HLCS: variants seen among roughly 807,000 people sequenced by gnomAD.
The protein encoded by HLCS is biotin--protein ligase.
A neutral mutation model predicts 75.0 loss-of-function variants in HLCS; 53 were observed. The observed-to-expected ratio is 0.71, with a 90% CI of 0.57 to 0.89. The LOEUF (loss-of-function observed/expected upper bound fraction) is 0.89, where lower values mean the gene tolerates loss of function less well. Ranked by LOEUF, HLCS falls within the 40% of genes least tolerant of loss-of-function variation. The pLI, the probability that HLCS is intolerant of heterozygous loss-of-function variation, is 0.00. For synonymous variants in HLCS, 431 were observed against 428.6 expected (o/e 1.01, Z -0.07); for missense variants, 966 against 1,074.0 (o/e 0.90, Z 1.41).
rs115034487 is a variant in HLCS at position 36,879,672 on chromosome 21, C to G, written c.1892+17188G>C. Among the ~76,000 whole-genome samples, 43 of 152,194 alleles carry G rather than the reference C, an allele frequency of 2.8e-4. 1 individual carries two copies. The highest frequency in any genetic ancestry group is 1.0e-3 in the African/African-American group (42 of 41,532). On this transcript the variant is annotated intron_variant, in intron 6 of 10. Transcript: ENST00000674895. ...ACAGACCAAGCACAGTGGCTCACAC[C>G]TATAGTCCCAGAACTTTGGGAGGCC...
chr21:36,767,476 G>A (rs963868734), intron 6 of HLCS, among the ~76,000 whole-genome samples, 191 bp from the exon 7 acceptor site: 4 of 152,118 alleles, frequency 2.6e-5, no homozygotes, highest in Non-Finnish European at 5.9e-5. Flanking sequence ...CCTGGGTCGT[G>A]AGAATGAAAG....
At chr21:36,823,179 C>A (rs1246471630) in intron 6 of HLCS, among the ~76,000 whole-genome samples, 2 of 152,148 alleles carry the variant, frequency 1.3e-5, no homozygotes, top group African/African-American at 4.8e-5. Context: ...AAGCTGAACC[C>A]AATCAAAAGT....
intron 6 of HLCS, among the ~76,000 whole-genome samples, chr21:36,824,771 A>G (rs1218471931): frequency 6.6e-6 from 1 of 152,208 alleles, no homozygotes; most frequent in Non-Finnish European, 1.5e-5. Context: ...TAACAAAATG[A>G]AGAACACGCC....
chr21:36,936,538 G>A lies in HLCS; in HGVS notation c.1348C>T (p.Leu450Phe). The change falls in exon 4 of 11, where the codon CTC becomes TTC. Residue 450 changes from leucine to phenylalanine, a missense_variant. Coordinates refer to ENST00000674895, the MANE Select transcript of HLCS (RefSeq NM_001352514.2). ...EGPVRLSPGR[L>F]QGHLENEDKD... ...TCCTCATTCTCCAGGTGGCCCTGGA[G>A]CCTGCCGGGGCTGAGCCGGACGGGG... 6.2e-7 allele frequency: 1 copy of A among 1,614,208 alleles called. No homozygotes were observed. The highest frequency in any genetic ancestry group is 8.5e-7 in the Non-Finnish European group (1 of 1,180,030).
chr21:36,779,468 T>A (rs2060463425), intron 6 of HLCS, among the ~76,000 whole-genome samples: 1 of 152,182 alleles, frequency 6.6e-6, no homozygotes, highest in South Asian at 2.1e-4. Context: ...TTCTAGCCCC[T>A]CCTTTTCTAT....
chr21:36,967,614 A>C (rs1207895580), upstream of HLCS, among the ~76,000 whole-genome samples: 1 of 152,244 alleles, frequency 6.6e-6, no homozygotes, highest in Non-Finnish European at 1.5e-5. Context: ...AAGCACAGCA[A>C]AGAATTCCAT....
intron 5 of HLCS, among the ~76,000 whole-genome samples, chr21:36,905,046 G>A (rs189206060): frequency 3.2e-4 from 49 of 152,284 alleles, no homozygotes; most frequent in Admixed American, 2.5e-3. Context: ...ACCCACAGCC[G>A]TTCACAAACT....
intron 2 of HLCS, among the ~76,000 whole-genome samples, chr21:36,952,606 A>C (rs1311268435): frequency 1.3e-5 from 2 of 152,156 alleles, no homozygotes; most frequent in African/African-American, 4.8e-5. Flanking sequence ...ATCCTGGCCA[A>C]CATGGTGAAA....
chr21:36,968,533 A>T (rs2068700786), upstream of HLCS: 1 of 152,222 alleles, frequency 6.6e-6, no homozygotes, highest in Non-Finnish European at 1.5e-5. Flanking sequence ...GACTAAAGCC[A>T]TATCCTACAC....
chr21:36,802,956 A>G (rs2061251987), intron 6 of HLCS, among the ~76,000 whole-genome samples: 1 of 152,240 alleles, frequency 6.6e-6, no homozygotes, highest in South Asian at 2.1e-4. Flanking sequence ...GGTCAAAGAG[A>G]TGGGTGTAGA....
At chr21:36,798,066 A>T (rs2061082669) in intron 6 of HLCS, among the ~76,000 whole-genome samples, 1 of 152,202 alleles carries the variant, frequency 6.6e-6, no homozygotes, top group Admixed American at 6.5e-5. Flanking sequence ...GAAGGAAGTG[A>T]GAGACTCGGG....
intron 6 of HLCS, among the ~76,000 whole-genome samples, chr21:36,869,877 A>T (rs185537130): frequency 4.0e-4 from 61 of 152,292 alleles, no homozygotes; most frequent in African/African-American, 1.3e-3. Context: ...GAATCATTTT[A>T]TGAACAATAG....
rs1351752040 is a variant in HLCS at position 36,966,538 on chromosome 21, C to T, written c.101G>A (p.Cys34Tyr). The T allele has an allele frequency of 4.0e-6, 4 of 999,524 alleles. No homozygotes were observed. The African/African-American group carries it at 5.3e-5, about 13-fold the overall frequency. 61.9% of individuals were successfully genotyped at this position (999,524 alleles called of 1,614,324 possible). ...GGCCGCGCCGCAGAAGGTGAAGGAACAGCGCGAGGCACGCAGCCGCCGCAC... is the reference window on the plus strand; with the variant it reads ...GGCCGCGCCGCAGAAGGTGAAGGAATAGCGCGAGGCACGCAGCCGCCGCAC... Reference protein sequence around the residue: ...ATVRRLRASRCSFTFCGAAAQ... With the variant: ...ATVRRLRASRYSFTFCGAAAQ... Residue 34 changes from cysteine (C) to tyrosine (Y), a missense_variant, in exon 1 of 11, where the codon TGT becomes TAT. Cys to Tyr is a radical substitution (Grantham distance 194). Coordinates refer to ENST00000674895, the MANE Select transcript of HLCS (RefSeq NM_001352514.2).
chr21:36,881,554 G>A (rs748980366), intron 6 of HLCS, among the ~76,000 whole-genome samples: 2 of 152,226 alleles, frequency 1.3e-5, no homozygotes. Context: ...CACATATTCC[G>A]TGTTGATGGG....
chr21:36,834,924 C>G (rs2062355446), intron 6 of HLCS, among the ~76,000 whole-genome samples: 1 of 152,212 alleles, frequency 6.6e-6, no homozygotes, highest in African/African-American at 2.4e-5. Context: ...ATGAGAATAA[C>G]TTCTTTGGAG....
chr21:36,783,184 A>G (rs951663021), intron 6 of HLCS, among the ~76,000 whole-genome samples: 4 of 152,116 alleles, frequency 2.6e-5, no homozygotes, highest in African/African-American at 9.7e-5. Context: ...GCTCTCAAAC[A>G]ATGCTGCCCA....
chr21:36,936,871 T>C lies in HLCS; in HGVS notation c.1015A>G (p.Ile339Val), dbSNP rs370415588. The change falls in exon 4 of 11, where the codon ATT becomes GTT. Residue 339 changes from isoleucine (I) to valine (V), a missense_variant. Transcript: ENST00000674895. ...AGGTGGTAGAGAATATAACTGTCAA[T>C]GTCCACACAGTCGGCCAGCACAGAC... Reference protein sequence around the residue: ...VRSVLADCVDIDSYILYHLLE... With the variant: ...VRSVLADCVDVDSYILYHLLE... 3.7e-6 allele frequency: 6 copies of C among 1,614,050 alleles called. No individual in the cohort carries two copies. The highest frequency in any genetic ancestry group is 2.2e-5 in the East Asian group (1 of 44,880).
At chr21:36,831,497 T>C (rs1486645349) in intron 6 of HLCS, among the ~76,000 whole-genome samples, 1 of 152,144 alleles carries the variant, frequency 6.6e-6, no homozygotes, top group Non-Finnish European at 1.5e-5. Flanking sequence ...CTGGCCAACA[T>C]GGTGAAACCC....
rs570992003 is a variant in HLCS at position 36,868,434 on chromosome 21, G to GGAAA, written c.1892+28422_1892+28425dup. On this transcript the variant is annotated intron_variant, in intron 6 of 10. Transcript: ENST00000674895. ...GGCAAAACAAGACAGATGGGATTAG[G>GGAAA]GAAAACTTTAGATTTCACTTTTAAA... Among the ~76,000 whole-genome samples, 6 of 151,964 alleles carry GGAAA rather than the reference G, an allele frequency of 3.9e-5. No homozygotes were observed. The South Asian group carries it at 1.0e-3, about 26-fold the overall frequency.
Sources: gnomAD v4.1 joint callset for allele counts (sites outside exome capture counted in the v4.1 genomes callset) on GRCh38, gnomAD v4.1.1 for gene constraint, MANE v1.5 for transcripts, NCBI Gene and HGNC (gene_info 2026-07-23, HGNC 2026-07-21) for gene names.